VEGFA: variants seen among roughly 807,000 people sequenced by gnomAD.
VEGFA encodes the protein vascular endothelial growth factor A, also known as vascular endothelial growth factor A, long form.
Under a neutral mutation model 49.7 loss-of-function variants are expected in VEGFA, and 20 were observed. The observed-to-expected ratio is 0.40, with a 90% CI of 0.28 to 0.58. VEGFA has a LOEUF of 0.58. VEGFA is among the 20% of genes least tolerant of loss of function. The probability of loss-of-function intolerance (pLI) is 0.40; values close to 1 mark genes in which losing one functional copy is unlikely to be tolerated. For missense variants in VEGFA, 505 were observed against 553.5 expected (o/e 0.91, Z 0.88); for synonymous variants, 219 against 223.4 (o/e 0.98, Z 0.18).
In VEGFA at chr6:43,784,565, C is replaced by T. The variant is rs367809801; in HGVS notation, c.*3C>T. 447 of 1,614,182 alleles carry T rather than the reference C, an allele frequency of 2.8e-4. No individual in the cohort carries two copies. The highest frequency in any genetic ancestry group is 3.6e-4 in the African/African-American group (27 of 75,036). On this transcript the variant is annotated 3_prime_UTR_variant, in exon 8 of 8. Transcript: ENST00000672860. ...GATGTGACAAGCCGAGGCGGTGAGC[C>T]GGGCAGGAGGAAGGAGCCTCCCTCA...
At chr6:43,774,290 T>C in intron 1 of VEGFA, 51 bp from the exon 2 acceptor site, 1 of 1,590,802 alleles carries the variant, frequency 6.3e-7, no homozygotes, top group Non-Finnish European at 8.6e-7. Flanking sequence ...GCTGGGCCTG[T>C]GCACCCCAGC....
rs775856114 is a variant in VEGFA at position 43,784,587 on chromosome 6, C to T, written c.*25C>T. 2.5e-6 allele frequency: 4 copies of T among 1,614,202 alleles called. No individual in the cohort carries two copies. Among genetic ancestry groups the T allele is most frequent in the Non-Finnish European group, 3.4e-6 (4 of 1,180,036 alleles). ...AGCCGGGCAGGAGGAAGGAGCCTCC[C>T]TCAGGGTTTCGGGAACCAGATCTCT... is the stretch of plus-strand genomic sequence containing the variant. On this transcript the variant is annotated 3_prime_UTR_variant, in exon 8 of 8. Coordinates refer to ENST00000672860, the MANE Select transcript of VEGFA (RefSeq NM_003376.6).
chr6:43,777,276 G>A lies in VEGFA; in HGVS notation c.659-193G>A. The A allele has an allele frequency of 3.0e-6, 2 of 674,530 alleles. No individual in the cohort carries two copies. Among genetic ancestry groups the A allele is most frequent in the Non-Finnish European group, 5.3e-6 (2 of 373,924 alleles). 41.8% of individuals were successfully genotyped at this position (674,530 alleles called of 1,614,324 possible). A position where few individuals can be genotyped will look rare whatever the true frequency, so the allele number is the denominator to read the frequency against. On this transcript the variant is annotated intron_variant, in intron 2 of 7. Transcript: ENST00000672860. The surrounding 1 kb of genome is among the most constrained non-coding windows in gnomAD (Gnocchi z 4.3). ...CGTGTGATCTCTGGAATGAAAACAG[G>A]CCTTCACCAGTGTTGATGGTGGAAA...
rs372881030 is a variant in VEGFA, at chr6:43,777,644, G to A, written c.834G>A (p.Glu278=). ...AGGGCCTGGAGTGTGTGCCCACTGAGGAGTCCAACATCACCATGCAGGTGG... is the reference window on the plus strand; with the variant it reads ...AGGGCCTGGAGTGTGTGCCCACTGAAGAGTCCAACATCACCATGCAGGTGG... The change falls in exon 3 of 8, where the codon GAG becomes GAA. Residue 278 remains glutamate, a synonymous_variant. Transcript: ENST00000672860. This position sits in a 1 kb window ranked among gnomAD's most constrained non-coding sequence, Gnocchi z 4.3. The A allele has an allele frequency of 6.3e-7, 1 of 1,595,486 alleles. No homozygotes were observed. The highest frequency in any genetic ancestry group is 1.7e-5 in the Admixed American group (1 of 59,378).
At chr6:43,778,085 G>A in intron 3 of VEGFA, 2 of 458,424 alleles carry the variant, frequency 4.4e-6, no homozygotes, top group Non-Finnish European at 4.0e-6. Flanking sequence ...TAGGGTGGGA[G>A]GGAGCTGTGA....
Position 43,779,135 on chromosome 6 carries a change from T to C in VEGFA, c.962+217T>C, listed in dbSNP as rs116648748. 763 of 633,362 alleles carry C rather than the reference T, an allele frequency of 1.2e-3. 5 individuals carry two copies. The African/African-American group carries it at 0.012, about 10-fold the overall frequency. The allele number at this position is 633,362 out of a possible 1,614,324, so 39.2% of individuals were successfully genotyped here. ...ACATAGCCAGGAGCCTGGCACTTCCTTTGGAAGGGACAATGCCTTCTGGGT... is the reference window on the plus strand; with the variant it reads ...ACATAGCCAGGAGCCTGGCACTTCCCTTGGAAGGGACAATGCCTTCTGGGT... On this transcript the variant is annotated intron_variant, in intron 5 of 7. Transcript: ENST00000672860.
Position 43,773,755 on chromosome 6 carries a change from C to A in VEGFA, c.607-586C>A. 6.2e-6 allele frequency: 1 copy of A among 162,184 alleles called. No homozygotes were observed. The highest frequency in any genetic ancestry group is 5.7e-5 in the Admixed American group (1 of 17,562). The allele number at this position is 162,184 out of a possible 1,614,324, so 10.0% of individuals were successfully genotyped here. ...TCCTCCTGGGTTTTTACCCTCTAAGCAACCTGTGGGCATGCTGGGTTATTC... is the reference window on the plus strand; with the variant it reads ...TCCTCCTGGGTTTTTACCCTCTAAGAAACCTGTGGGCATGCTGGGTTATTC... On this transcript the variant is annotated intron_variant, in intron 1 of 7. Transcript: ENST00000672860. This position sits in a 1 kb window ranked among gnomAD's most constrained non-coding sequence, Gnocchi z 5.6.
chr6:43,783,227 T>A (rs1161384890), intron 7 of VEGFA: 1 of 152,238 alleles, frequency 6.6e-6, no homozygotes, highest in African/African-American at 2.4e-5. Flanking sequence ...AGGGTAAGCG[T>A]CAGTCAGGGA....
chr6:43,774,551 A>G, intron 2 of VEGFA, 159 bp downstream of exon 2: 2 of 836,790 alleles, frequency 2.4e-6, no homozygotes, highest in South Asian at 3.0e-5. Flanking sequence ...GTTCACCCTC[A>G]GTTTCGTGAG....
intron 5 of VEGFA, chr6:43,780,154 C>T (rs185786807): frequency 8.4e-5 from 18 of 214,094 alleles, no homozygotes; most frequent in Middle Eastern, 1.9e-3. Flanking sequence ...CTCTTGGTTC[C>T]GTGCCAGCTC....
chr6:43,776,625 G>A (rs1476636299), intron 2 of VEGFA: 1 of 152,504 alleles, frequency 6.6e-6, no homozygotes, highest in African/African-American at 2.4e-5. Context: ...GGTTATCAGT[G>A]GCTGGCAGGG....
At chr6:43,779,018 G>A in intron 5 of VEGFA, 100 bp downstream of exon 5, 2 of 1,497,092 alleles carry the variant, frequency 1.3e-6, no homozygotes, top group Non-Finnish European at 1.9e-6. Context: ...AGCCTCCCTG[G>A]GTCAGGGACT....
Position 43,778,373 on chromosome 6 carries a change from G to A in VEGFA, c.856-87G>A. On this transcript the variant is annotated intron_variant, in intron 3 of 7. Coordinates refer to ENST00000672860, the MANE Select transcript of VEGFA (RefSeq NM_003376.6). ...TCCCTGCTCTGCAGAACCCCTGGGT[G>A]CTGAGTGGCAGGAGCCCCAGGGTTG... The A allele has an allele frequency of 5.3e-6, 6 of 1,142,662 alleles. No individual in the cohort carries two copies. In the South Asian group the frequency reaches 7.6e-5, roughly 14 times the overall value. 70.8% of individuals were successfully genotyped at this position (1,142,662 alleles called of 1,614,324 possible). A position where few individuals can be genotyped will look rare whatever the true frequency, so the allele number is the denominator to read the frequency against.
intron 6 of VEGFA, chr6:43,781,443 TG>T (rs1157643762): frequency 8.3e-6 from 2 of 241,530 alleles, no homozygotes; most frequent in Non-Finnish European, 8.2e-6. Flanking sequence ...GAGGCTGTGG[TG>T]GGCCCTGCCC....
At chr6:43,774,223 T>G (rs889327873) in intron 1 of VEGFA, 118 bp from the exon 2 acceptor site, 1 of 1,097,268 alleles carries the variant, frequency 9.1e-7, no homozygotes, top group Non-Finnish European at 1.4e-6. Flanking sequence ...TCAGAAGACT[T>G]GGAGAAGCCA....
chr6:43,779,895 C>T (rs920487901), intron 5 of VEGFA: 23 of 330,390 alleles, frequency 7.0e-5, no homozygotes, highest in Non-Finnish European at 1.3e-4. Flanking sequence ...CAGCCTGCCC[C>T]CCTTCCTGTT....
At chr6:43,776,136 G>A (rs1223309266) in intron 2 of VEGFA, 1 of 152,168 alleles carries the variant, frequency 6.6e-6, no homozygotes, top group South Asian at 2.1e-4. Context: ...GGAAATGGAA[G>A]CCAAAACACC....
intron 2 of VEGFA, 30 bp downstream of exon 2, chr6:43,774,422 C>T: frequency 6.2e-7 from 1 of 1,613,764 alleles, no homozygotes; most frequent in African/African-American, 1.3e-5. Flanking sequence ...GGATGGGGTT[C>T]CCTGTCCTCT....
chr6:43,781,788 G>A (rs921280051), intron 6 of VEGFA, 168 bp from the exon 7 acceptor site: 20 of 852,492 alleles, frequency 2.3e-5, no homozygotes, highest in East Asian at 5.8e-5. Context: ...TCTTTCCGCC[G>A]CTCTCTCTGT....
Sources: allele counts gnomAD v4.1 joint callset, GRCh38; gene constraint gnomAD v4.1.1; non-coding constraint Gnocchi (gnomAD v3.1); transcripts MANE v1.5; gene names NCBI Gene and HGNC (gene_info 2026-07-23, HGNC 2026-07-21).